The following CTNNA3 variants were observed in gnomAD, a reference collection of about 807,000 sequenced individuals.
CTNNA3 encodes the protein catenin alpha-3.
In CTNNA3, 76 loss-of-function variants were observed where a neutral mutation model predicts 95.7. The ratio of observed to expected loss-of-function variants is 0.79; its 90% CI spans 0.66 to 0.96. The LOEUF is 0.96. Among genes scored for constraint, CTNNA3 ranks in the 40% least tolerant of loss-of-function variants. CTNNA3 has a pLI of 0.00. For missense variants in CTNNA3, 1,191 were observed against 1,089.8 expected (o/e 1.09, Z -1.31); for synonymous variants, 431 against 374.4 (o/e 1.15, Z -1.74).
rs1843177897 is a variant in CTNNA3, at chr10:67,604,141, A to G, written c.292+2716T>C. 2.0e-5 allele frequency among the ~76,000 whole-genome samples: 3 copies of G among 152,342 alleles called. No individual in the cohort carries two copies. In the East Asian group the frequency reaches 5.8e-4, roughly 29 times the overall value. On this transcript the variant is annotated intron_variant, in intron 3 of 17. Transcript: ENST00000433211. ...TAGACTATGCCATCTAAGTTTGTGTAAGTACACTCTATGATGTTCACACAA... is the reference window on the plus strand; with the variant it reads ...TAGACTATGCCATCTAAGTTTGTGTGAGTACACTCTATGATGTTCACACAA...
intron 7 of CTNNA3, among the ~76,000 whole-genome samples, chr10:67,161,073 A>G (rs1184628897): frequency 6.6e-6 from 1 of 152,104 alleles, no homozygotes; most frequent in Non-Finnish European, 1.5e-5. Flanking sequence ...AAAGTTTAAG[A>G]TATGCAAAAC....
chr10:67,020,208 C>T (rs1173688537), intron 7 of CTNNA3, among the ~76,000 whole-genome samples: 7 of 152,102 alleles, frequency 4.6e-5, no homozygotes. Flanking sequence ...CAATCTAAGC[C>T]AATCTTTAAA....
chr10:67,552,687 G>A (rs925606222), intron 3 of CTNNA3, among the ~76,000 whole-genome samples: 3 of 151,910 alleles, frequency 2.0e-5, no homozygotes, highest in African/African-American at 7.3e-5. Context: ...CCCCTGACAG[G>A]ACCCAGTGTG....
chr10:67,112,757 T>C (rs2131973695), intron 7 of CTNNA3, among the ~76,000 whole-genome samples: 1 of 152,252 alleles, frequency 6.6e-6, no homozygotes, highest in South Asian at 2.1e-4. Flanking sequence ...GTATATGCAC[T>C]GGACTCTGCC....
At chr10:67,602,887 A>G (rs1451301295) in intron 3 of CTNNA3, among the ~76,000 whole-genome samples, 4 of 152,246 alleles carry the variant, frequency 2.6e-5, no homozygotes, top group Admixed American at 6.5e-5. Flanking sequence ...TTTCCGTAAA[A>G]GCAAAGATAA....
At chr10:66,849,366 T>C (rs1315313542) in intron 7 of CTNNA3, among the ~76,000 whole-genome samples, 1 of 152,152 alleles carries the variant, frequency 6.6e-6, no homozygotes, top group Non-Finnish European at 1.5e-5. Flanking sequence ...TTTAAATTTT[T>C]TCTTGTTGTT....
intron 5 of CTNNA3, among the ~76,000 whole-genome samples, chr10:67,319,527 T>TA (rs541952786): frequency 2.0e-5 from 3 of 152,196 alleles, no homozygotes; most frequent in Admixed American, 6.5e-5. Context: ...TGGAGCTCCC[T>TA]AAAAAAAGTG....
chr10:66,786,568 G>A (rs985952700), intron 7 of CTNNA3, among the ~76,000 whole-genome samples: 1 of 152,166 alleles, frequency 6.6e-6, no homozygotes, highest in Non-Finnish European at 1.5e-5. Context: ...AAAGACTGAA[G>A]GTAACTAGAA....
chr10:66,048,872 C>A (rs1011041152), intron 15 of CTNNA3, among the ~76,000 whole-genome samples: 2 of 152,022 alleles, frequency 1.3e-5, no homozygotes, highest in Non-Finnish European at 2.9e-5. Context: ...TCTGGACATA[C>A]AAACAGGCAA....
intron 17 of CTNNA3, among the ~76,000 whole-genome samples, chr10:65,926,798 T>TC (rs750191278): frequency 1.3e-5 from 2 of 152,116 alleles, no homozygotes; most frequent in Non-Finnish European, 2.9e-5. Flanking sequence ...ACATTTTTTT[T>TC]CCCATATTTT....
chr10:67,559,626 C>T (rs181650776), intron 3 of CTNNA3, among the ~76,000 whole-genome samples: 17 of 152,228 alleles, frequency 1.1e-4, no homozygotes, highest in African/African-American at 2.2e-4. Context: ...AGCAACGGAA[C>T]GAAGCTGGAC....
intron 7 of CTNNA3, among the ~76,000 whole-genome samples, chr10:66,780,804 G>C (rs1449823315): frequency 6.6e-6 from 1 of 152,124 alleles, no homozygotes; most frequent in African/African-American, 2.4e-5. Flanking sequence ...ACTGGATAAG[G>C]TTTTGGCAGA....
rs151040083 is a variant in CTNNA3, at chr10:67,480,995, TTTTA to T, written c.579+40843_579+40846del. On this transcript the variant is annotated intron_variant, in intron 5 of 17. Transcript: ENST00000433211. The stretch of plus-strand genomic sequence containing the variant: ...AACTAGGCCTAGTTTGTTAGGAGTT[TTTTA>T]TCATGAAGCAGTGTTAGATTTTATT... Among the ~76,000 whole-genome samples, 37 of 152,336 alleles carry T rather than the reference TTTTA, an allele frequency of 2.4e-4. No homozygotes were observed. In the East Asian group the frequency reaches 7.1e-3, roughly 29 times the overall value.
At chr10:66,515,143 T>G (rs893405582) in intron 11 of CTNNA3, among the ~76,000 whole-genome samples, 14 of 151,824 alleles carry the variant, frequency 9.2e-5, no homozygotes, top group African/African-American at 3.4e-4. Context: ...CCTTTACCAT[T>G]GATTTTAAAT....
intron 2 of CTNNA3, among the ~76,000 whole-genome samples, chr10:67,611,769 A>G (rs1005564489): frequency 1.3e-5 from 2 of 152,124 alleles, no homozygotes; most frequent in African/African-American, 4.8e-5. Context: ...TTATTAGCTA[A>G]AACACTTTGA....
intron 5 of CTNNA3, among the ~76,000 whole-genome samples, chr10:67,319,238 A>G (rs1381178951): frequency 1.3e-5 from 2 of 152,174 alleles, no homozygotes; most frequent in Non-Finnish European, 2.9e-5. Flanking sequence ...AGAAGTGTGT[A>G]ACTTAGTCTT....
intron 7 of CTNNA3, among the ~76,000 whole-genome samples, chr10:66,891,258 G>A (rs575657450): frequency 6.6e-6 from 1 of 152,208 alleles, no homozygotes; most frequent in Admixed American, 6.5e-5. Context: ...GAATCATACA[G>A]CTTGGAAGAC....
intron 13 of CTNNA3, among the ~76,000 whole-genome samples, chr10:66,184,123 C>T (rs1295501882): frequency 1.3e-5 from 2 of 151,990 alleles, no homozygotes; most frequent in Admixed American, 6.6e-5. Flanking sequence ...CATGGCAAAA[C>T]CCTGTCTCTA....
At chr10:67,525,948 G>C (rs1840129968) in intron 4 of CTNNA3, among the ~76,000 whole-genome samples, 1 of 152,184 alleles carries the variant, frequency 6.6e-6, no homozygotes, top group South Asian at 2.1e-4. Context: ...GTGTACAAAA[G>C]GGTATACAGT....
Sources: gnomAD v4.1 joint callset for allele counts (sites outside exome capture counted in the v4.1 genomes callset) on GRCh38, gnomAD v4.1.1 for gene constraint, MANE v1.5 for transcripts, NCBI Gene and HGNC (gene_info 2026-07-23, HGNC 2026-07-21) for gene names.